TAF2: variants seen among roughly 807,000 people sequenced by gnomAD.
The protein encoded by TAF2 is TATA-box binding protein associated factor 2.
Under a neutral mutation model 138.5 loss-of-function variants are expected in TAF2, and 61 were observed. The observed-to-expected ratio is 0.44, with a 90% CI of 0.36 to 0.54. TAF2 has a LOEUF of 0.54. Ranked by LOEUF, TAF2 falls within the 20% of genes least tolerant of loss-of-function variation. TAF2 has a pLI of 0.00. For synonymous variants in TAF2, 475 were observed against 469.9 expected (o/e 1.01, Z -0.14); for missense variants, 1,090 against 1,427.9 (o/e 0.76, Z 3.81).
At chr8:119,747,129 T>A (rs1308486381) in intron 22 of TAF2, among the ~76,000 whole-genome samples, 195 bp from the exon 23 acceptor site, 1 of 152,194 alleles carries the variant, frequency 6.6e-6, no homozygotes, top group Non-Finnish European at 1.5e-5. Flanking sequence ...GCCTTAATTC[T>A]TCCTTTTTAT....
intron 14 of TAF2, among the ~76,000 whole-genome samples, chr8:119,787,571 T>C (rs556323318): frequency 5.9e-5 from 9 of 152,234 alleles, no homozygotes; most frequent in Non-Finnish European, 1.2e-4. Flanking sequence ...ACAGCAATCA[T>C]TAAAAAGTTA....
chr8:119,788,824 T>C lies in TAF2; in HGVS notation c.1649A>G (p.Gln550Arg), dbSNP rs777373537. The C allele has an allele frequency of 1.2e-6, 2 of 1,613,972 alleles. No homozygotes were observed. The highest frequency in any genetic ancestry group is 3.3e-5 in the Admixed American group (2 of 60,014). Residue 550 changes from glutamine to arginine, a missense_variant, in exon 13 of 26, where the codon CAG becomes CGG. Gln to Arg is a conservative substitution (Grantham distance 43). This residue lies in a region of TAF2 where 504 missense variants were observed against 680.9 expected (regional missense o/e 0.74). Coordinates refer to ENST00000378164, the MANE Select transcript of TAF2 (RefSeq NM_003184.4). ...CTGAGTTCCAGGAGATGTATAGTCC[T>C]GTTTTATTTCCAGTTCCAAGACATT... ...KRNVLELEIK[Q>R]DYTSPGTQKY...
chr8:119,796,984 A>G lies in TAF2; in HGVS notation c.1091+6T>C, dbSNP rs1823871982. On this transcript the variant is annotated splice_donor_region_variant and intron_variant, in intron 8 of 25. Coordinates refer to ENST00000378164, the MANE Select transcript of TAF2 (RefSeq NM_003184.4). ...TCTCAGTAGTATGAACTTTCAGGTC[A>G]CTCACCAAGACATTCTAGATATGAA... 1 of 1,591,194 alleles carries G rather than the reference A, an allele frequency of 6.3e-7. No individual in the cohort carries two copies. Among genetic ancestry groups the G allele is most frequent in the Non-Finnish European group, 8.6e-7 (1 of 1,159,450 alleles).
At chr8:119,736,191 A>G (rs1819212627) in intron 25 of TAF2, among the ~76,000 whole-genome samples, 1 of 152,206 alleles carries the variant, frequency 6.6e-6, no homozygotes, top group South Asian at 2.1e-4. Flanking sequence ...TCAAAAGTGA[A>G]TCCAATTTTT....
intron 3 of TAF2, among the ~76,000 whole-genome samples, chr8:119,811,328 A>T (rs1256625830): frequency 1.3e-5 from 2 of 152,228 alleles, no homozygotes; most frequent in Non-Finnish European, 2.9e-5. Context: ...CTTCAGTTTC[A>T]ATTATTTGTA....
intron 3 of TAF2, among the ~76,000 whole-genome samples, chr8:119,818,731 T>C (rs7819998): frequency 7.0e-4 from 28 of 40,046 alleles, no homozygotes; most frequent in African/African-American, 3.1e-3. Flanking sequence ...AAAAATGAAG[T>C]CCACACACAC....
At chr8:119,826,740 GC>G (rs1371497357) in intron 2 of TAF2, among the ~76,000 whole-genome samples, 1 of 152,036 alleles carries the variant, frequency 6.6e-6, no homozygotes, top group East Asian at 1.9e-4. Flanking sequence ...ACAGGCATCT[GC>G]CACCACACTC....
At position 119,743,166 on chromosome 8, in the gene TAF2, G is replaced by C. The variant is rs151327803; in HGVS notation, c.3215-510C>G. On this transcript the variant is annotated intron_variant, in intron 24 of 25. Coordinates refer to ENST00000378164, the MANE Select transcript of TAF2 (RefSeq NM_003184.4). Reference sequence around the variant, plus strand: ...TTCTGAATTATTACACTGATGACAAGTGCTATGACAGATAATGGTCATAAA... The same window carrying C: ...TTCTGAATTATTACACTGATGACAACTGCTATGACAGATAATGGTCATAAA... 4.6e-5 allele frequency among the ~76,000 whole-genome samples: 7 copies of C among 152,082 alleles called. No homozygotes were observed. The East Asian group carries it at 1.4e-3, about 29-fold the overall frequency.
At chr8:119,831,871 C>T (rs1039698881) in intron 1 of TAF2, 140 bp from the exon 2 acceptor site, 3 of 565,630 alleles carry the variant, frequency 5.3e-6, no homozygotes, top group Non-Finnish European at 5.5e-6. Context: ...TTTAAAACTA[C>T]GAATTGGGGC....
chr8:119,817,077 A>G (rs935103155), intron 3 of TAF2, among the ~76,000 whole-genome samples: 5 of 149,810 alleles, frequency 3.3e-5, no homozygotes, highest in African/African-American at 1.2e-4. Flanking sequence ...ATTATTAGTC[A>G]AGCATTTACT....
chr8:119,775,400 C>G (rs997868114), intron 18 of TAF2, among the ~76,000 whole-genome samples: 1 of 150,902 alleles, frequency 6.6e-6, no homozygotes, highest in Non-Finnish European at 1.5e-5. Flanking sequence ...AGCAGGCCAA[C>G]ACAATTTAAA....
At position 119,731,866 on chromosome 8, in the gene TAF2, A is replaced by G; in HGVS notation, c.*58T>C. On this transcript the variant is annotated 3_prime_UTR_variant, in exon 26 of 26. Coordinates refer to ENST00000378164, the MANE Select transcript of TAF2 (RefSeq NM_003184.4). ...CTTTTATAATTCTTCACAGAGGACA[A>G]AGCTTTAGTTACATACATTCTTCTG... 1 of 1,539,246 alleles carries G rather than the reference A, an allele frequency of 6.5e-7. No individual in the cohort carries two copies.
At chr8:119,824,895 G>A (rs949168036) in intron 2 of TAF2, among the ~76,000 whole-genome samples, 2 of 152,238 alleles carry the variant, frequency 1.3e-5, no homozygotes, top group Non-Finnish European at 2.9e-5. Flanking sequence ...TGCTGTAGAG[G>A]TAGGATCCTC....
At chr8:119,785,315 G>C (rs1822942920) in intron 14 of TAF2, 49 bp from the exon 15 acceptor site, 1 of 1,312,506 alleles carries the variant, frequency 7.6e-7, no homozygotes, top group African/African-American at 1.4e-5. Context: ...TTCTAATTCT[G>C]AATGGACATT....
Position 119,781,176 on chromosome 8 carries a change from C to T in TAF2, c.2130G>A (p.Val710=), listed in dbSNP as rs1822625098. Reference sequence around the variant, plus strand: ...TGGCTGGTGGTCCTGTCCATGTGCTCACCATTGAATTTGCAATCTGCAAAT... The same window carrying T: ...TGGCTGGTGGTCCTGTCCATGTGCTTACCATTGAATTTGCAATCTGCAAAT... ...FCLAKIANSM[V]STWTGPPAMK... is the part of the protein sequence containing the mutation. The change falls in exon 17 of 26, where the codon GTG becomes GTA. Residue 710 remains valine, a synonymous_variant. Coordinates refer to ENST00000378164, the MANE Select transcript of TAF2 (RefSeq NM_003184.4). The T allele has an allele frequency of 6.2e-7, 1 of 1,613,936 alleles. No individual in the cohort carries two copies. Among genetic ancestry groups the T allele is most frequent in the Admixed American group, 1.7e-5 (1 of 59,990 alleles).
At chr8:119,746,562 T>C (rs1819989791) in intron 23 of TAF2, 143 bp downstream of exon 23, 2 of 859,960 alleles carry the variant, frequency 2.3e-6, no homozygotes, top group Admixed American at 4.0e-5. Context: ...ACAGTACTAA[T>C]CAAATGTCAG....
intron 22 of TAF2, among the ~76,000 whole-genome samples, 194 bp from the exon 23 acceptor site, chr8:119,747,128 C>T (rs1300424603): frequency 1.3e-5 from 2 of 152,250 alleles, no homozygotes; most frequent in African/African-American, 4.8e-5. Context: ...AGCCTTAATT[C>T]TTCCTTTTTA....
chr8:119,807,187 T>C (rs1824718783), intron 3 of TAF2, among the ~76,000 whole-genome samples: 1 of 152,204 alleles, frequency 6.6e-6, no homozygotes, highest in Admixed American at 6.5e-5. Flanking sequence ...TAGTGCATCA[T>C]AATGTAAGCT....
rs1171870735 is a variant in TAF2 at position 119,832,801 on chromosome 8, G to A, written c.-237C>T. 8 of 472,962 alleles carry A rather than the reference G, an allele frequency of 1.7e-5. No homozygotes were observed. The highest frequency in any genetic ancestry group is 5.5e-4 in the Middle Eastern group (1 of 1,822). 29.3% of individuals were successfully genotyped at this position (472,962 alleles called of 1,614,324 possible). On this transcript the variant is annotated 5_prime_UTR_variant, in exon 1 of 26. Coordinates refer to ENST00000378164, the MANE Select transcript of TAF2 (RefSeq NM_003184.4). ...CACAGAGATGCTCCTCTCCGCAAGG[G>A]CTCGAAGCTACCATCCGCCGACATC... is the stretch of plus-strand genomic sequence containing the variant.
Sources: gnomAD v4.1 joint callset for allele counts (sites outside exome capture counted in the v4.1 genomes callset) on GRCh38, gnomAD v4.1.1 for gene constraint, gnomAD v4.1.1 regional missense constraint, MANE v1.5 for transcripts, NCBI Gene and HGNC (gene_info 2026-07-23, HGNC 2026-07-21) for gene names.